Variants in ATP13A3 observed in about 807,000 individuals in gnomAD.
ATP13A3 encodes ATPase 13A3.
In ATP13A3, 59 loss-of-function variants were observed where a neutral mutation model predicts 158.1. That is an observed-to-expected ratio of 0.37 (90% confidence interval 0.30 to 0.46). The LOEUF is 0.46. ATP13A3 is among the 20% of genes least tolerant of loss of function. ATP13A3 has a pLI of 1.00. For missense variants in ATP13A3, 1,166 were observed against 1,525.2 expected (o/e 0.76, Z 3.92); for synonymous variants, 491 against 504.3 (o/e 0.97, Z 0.35).
In ATP13A3 at chr3:194,448,117, A is replaced by G. The variant is rs62286676; in HGVS notation, c.1151-108T>C. ...TTTTGAGACAGAGTCTCGCTCTGTCACCCAGGCTGGAGTACAGTGGTGTGA... is the reference window on the plus strand; with the variant it reads ...TTTTGAGACAGAGTCTCGCTCTGTCGCCCAGGCTGGAGTACAGTGGTGTGA... On this transcript the variant is annotated intron_variant, in intron 12 of 33. Coordinates refer to ENST00000645319, the MANE Select transcript of ATP13A3 (RefSeq NM_001367549.1). This position sits in a 1 kb window ranked among gnomAD's most constrained non-coding sequence, Gnocchi z 4.0. The G allele has an allele frequency of 3.6e-6, 4 of 1,109,788 alleles. No individual in the cohort carries two copies. Among genetic ancestry groups the G allele is most frequent in the Non-Finnish European group, 5.3e-6 (4 of 761,124 alleles). 68.7% of individuals were successfully genotyped at this position (1,109,788 alleles called of 1,614,324 possible).
intron 22 of ATP13A3, among the ~76,000 whole-genome samples, chr3:194,431,453 T>C (rs1717213840): frequency 6.6e-6 from 1 of 152,238 alleles, no homozygotes; most frequent in African/African-American, 2.4e-5. Context: ...CATTTACCAC[T>C]AGTTACCTGA....
chr3:194,443,515 C>A (rs1211787093), intron 15 of ATP13A3, among the ~76,000 whole-genome samples: 1 of 151,966 alleles, frequency 6.6e-6, no homozygotes, highest in South Asian at 2.1e-4. Context: ...ACACACTAGG[C>A]AAACATCAGG....
chr3:194,417,839 T>C (rs1715977438), intron 31 of ATP13A3, among the ~76,000 whole-genome samples: 1 of 151,986 alleles, frequency 6.6e-6, no homozygotes, highest in African/African-American at 2.4e-5. Context: ...TGCACAACTG[T>C]GGTCCCAGCT....
chr3:194,429,379 T>C (rs1717050604), intron 27 of ATP13A3, among the ~76,000 whole-genome samples: 1 of 152,224 alleles, frequency 6.6e-6, no homozygotes, highest in South Asian at 2.1e-4. Flanking sequence ...CATGAGTCTT[T>C]AGGATGTCAG....
rs1718579209 is a variant in ATP13A3 at position 194,448,699 on chromosome 3, C to T, written c.971-63G>A. On this transcript the variant is annotated intron_variant, in intron 11 of 33. Transcript: ENST00000645319. This position sits in a 1 kb window ranked among gnomAD's most constrained non-coding sequence, Gnocchi z 4.0. ...AATTATTAAACGAAAGCACAGGAAT[C>T]AGTATCGAACACCAAAAAATATTAA... The T allele has an allele frequency of 6.9e-7, 1 of 1,456,224 alleles. No homozygotes were observed. Among genetic ancestry groups the T allele is most frequent in the African/African-American group, 1.4e-5 (1 of 70,142 alleles). 90.2% of individuals were successfully genotyped at this position (1,456,224 alleles called of 1,614,324 possible).
intron 7 of ATP13A3, among the ~76,000 whole-genome samples, chr3:194,456,644 G>A (rs1164481175): frequency 1.3e-5 from 2 of 152,066 alleles, no homozygotes; most frequent in Non-Finnish European, 2.9e-5. Flanking sequence ...CACAATGAAG[G>A]AGATTATGTC....
At chr3:194,432,791 A>G (rs541747203) in intron 21 of ATP13A3, among the ~76,000 whole-genome samples, 3 of 152,286 alleles carry the variant, frequency 2.0e-5, no homozygotes, top group East Asian at 3.9e-4. Flanking sequence ...AGTGCCATTA[A>G]GTATCTTAAA....
chr3:194,406,300 C>T (rs995854524), intron 33 of ATP13A3, among the ~76,000 whole-genome samples, 184 bp from the exon 34 acceptor site: 1 of 152,036 alleles, frequency 6.6e-6, no homozygotes, highest in African/African-American at 2.4e-5. Flanking sequence ...CGTGGTGGCT[C>T]ATGTCCGAAA....
rs1293131300 is a variant in ATP13A3, at chr3:194,448,441, T to C, written c.1150+16A>G. 2.5e-6 allele frequency: 4 copies of C among 1,608,086 alleles called. No homozygotes were observed. Among genetic ancestry groups the C allele is most frequent in the Non-Finnish European group, 3.4e-6 (4 of 1,174,736 alleles). The stretch of plus-strand genomic sequence containing the variant: ...GCTGAAACATGCAAAAAGAGATTAA[T>C]TAAGATGTTTCCTACCTGTTCTAAC... On this transcript the variant is annotated intron_variant, in intron 12 of 33. Coordinates refer to ENST00000645319, the MANE Select transcript of ATP13A3 (RefSeq NM_001367549.1). This position sits in a 1 kb window ranked among gnomAD's most constrained non-coding sequence, Gnocchi z 4.0.
intron 6 of ATP13A3, 122 bp from the exon 7 acceptor site, chr3:194,457,296 C>T: frequency 3.1e-6 from 2 of 643,794 alleles, no homozygotes; most frequent in East Asian, 2.9e-5. Flanking sequence ...CTTAGAAACC[C>T]TTAACAAAAA....
At chr3:194,463,328 G>A (rs1240770542) in intron 2 of ATP13A3, among the ~76,000 whole-genome samples, 1 of 147,694 alleles carries the variant, frequency 6.8e-6, no homozygotes, top group Admixed American at 6.8e-5. Context: ...TAAACATTCA[G>A]CTACACATTA....
chr3:194,473,084 T>A (rs1037637733), intron 2 of ATP13A3, among the ~76,000 whole-genome samples: 2 of 152,126 alleles, frequency 1.3e-5, no homozygotes, highest in Non-Finnish European at 2.9e-5. Flanking sequence ...CCCCAAATCT[T>A]AGCATCACAC....
rs751005733 is a variant in ATP13A3, at chr3:194,415,661, C to CTTTT, written c.3403-1826_3403-1823dup. Among the ~76,000 whole-genome samples the CTTTT allele has an allele frequency of 6.3e-4, 57 of 90,922 alleles. 6 individuals are homozygous for CTTTT. The highest frequency in any genetic ancestry group is 1.8e-3 in the African/African-American group (38 of 21,116). 59.6% of individuals were successfully genotyped at this position (90,922 alleles called of 152,430 possible). A position where few individuals can be genotyped will look rare whatever the true frequency, so the allele number is the denominator to read the frequency against. The stretch of plus-strand genomic sequence containing the variant: ...GTGCAAGGATTTACAATACCACATT[C>CTTTT]TTTTTTTTTTTTTTTTTTTTTTTTT... On this transcript the variant is annotated intron_variant, in intron 31 of 33. Transcript: ENST00000645319.
rs575193145 is a variant in ATP13A3, at chr3:194,481,918, G to A, written c.-47+3876C>T. On this transcript the variant is annotated intron_variant, in intron 2 of 33. Transcript: ENST00000645319. ...ATTCTGATTAACAGATTAATTTTGC[G>A]GTCTTGACGTTTACTATTCGAGTTA... 5.9e-5 allele frequency among the ~76,000 whole-genome samples: 9 copies of A among 152,244 alleles called. No homozygotes were observed. In the East Asian group the frequency reaches 9.6e-4, roughly 16 times the overall value.
intron 30 of ATP13A3, 119 bp downstream of exon 30, chr3:194,425,223 A>G: frequency 1.0e-6 from 1 of 962,778 alleles, no homozygotes; most frequent in Middle Eastern, 2.6e-4. Context: ...CTAAATCACT[A>G]AGTTGATTCT....
chr3:194,483,827 A>C (rs1720855919), intron 2 of ATP13A3, among the ~76,000 whole-genome samples: 1 of 152,248 alleles, frequency 6.6e-6, no homozygotes, highest in Non-Finnish European at 1.5e-5. Flanking sequence ...CCTGTTCTGC[A>C]AGAAGCAGTA....
Position 194,431,870 on chromosome 3 carries a change from G to A in ATP13A3, c.2268C>T (p.Val756=), listed in dbSNP as rs1263817405. 1.9e-6 allele frequency: 3 copies of A among 1,600,932 alleles called. No homozygotes were observed. In the Admixed American group the frequency reaches 5.3e-5, roughly 28 times the overall value. ...TCATTCCACAATCTCTGGCCACAGA[G>A]ACAGCAGTCAACATACTGTCACCTA... The part of the protein sequence containing the change: ...MVTGDSMLTA[V]SVARDCGMIL... Residue 756 remains valine, a synonymous_variant, in exon 22 of 34, where the codon GTC becomes GTT. Coordinates refer to ENST00000645319, the MANE Select transcript of ATP13A3 (RefSeq NM_001367549.1).
chr3:194,431,247 G>C (rs1345127705), intron 22 of ATP13A3, 21 bp from the exon 23 acceptor site: 3 of 1,567,154 alleles, frequency 1.9e-6, no homozygotes, highest in Non-Finnish European at 2.6e-6. Flanking sequence ...GAGACATTGG[G>C]AACAATATTT....
chr3:194,492,370 C>T (rs77816430), intron 2 of ATP13A3, among the ~76,000 whole-genome samples: 1 of 152,100 alleles, frequency 6.6e-6, no homozygotes, highest in Non-Finnish European at 1.5e-5. Context: ...GTTTCAGAAC[C>T]TCTGTGGATA....
Sources: gnomAD v4.1 joint callset for allele counts (sites outside exome capture counted in the v4.1 genomes callset) on GRCh38, gnomAD v4.1.1 for gene constraint, Gnocchi (gnomAD v3.1) non-coding constraint, MANE v1.5 for transcripts, NCBI Gene and HGNC (gene_info 2026-07-23, HGNC 2026-07-21) for gene names.